HIGD1B: variants seen among roughly 807,000 people sequenced by gnomAD.
HIGD1B encodes HIG1 domain family member 1B.
HIGD1B carries 9 observed loss-of-function variants against 8.8 expected under a neutral mutation model. The observed-to-expected ratio is 1.02, with a 90% CI of 0.62 to 1.78. The LOEUF (loss-of-function observed/expected upper bound fraction) is 1.78, where lower values mean the gene tolerates loss of function less well. Among genes scored for constraint, HIGD1B ranks in the 40% most tolerant of loss-of-function variants. The probability of loss-of-function intolerance (pLI) is 0.00; values close to 1 mark genes in which losing one functional copy is unlikely to be tolerated. For synonymous variants in HIGD1B, 47 were observed against 38.8 expected (o/e 1.21, Z -0.78); for missense variants, 126 against 111.8 (o/e 1.13, Z -0.57).
At chr17:44,849,997 CTG>C (rs936864624) in intron 2 of HIGD1B, 3 of 242,914 alleles carry the variant, frequency 1.2e-5, no homozygotes, top group African/African-American at 4.4e-5. Context: ...CACTTGCTAA[CTG>C]TGTGACAGTG....
chr17:44,846,347 C>T (rs2050322143), upstream of HIGD1B: 1 of 152,304 alleles, frequency 6.6e-6, no homozygotes, highest in African/African-American at 2.4e-5. Flanking sequence ...AGCTCCATCT[C>T]AGCTTTTGGT....
chr17:44,846,707 C>T (rs566982099), upstream of HIGD1B, among the ~76,000 whole-genome samples: 33 of 151,202 alleles, frequency 2.2e-4, no homozygotes, highest in African/African-American at 7.8e-4. Context: ...GGTGGAAGGA[C>T]TGCTTGAGTC....
At chr17:44,845,885 C>T (rs939395046), upstream of HIGD1B, among the ~76,000 whole-genome samples, 31 of 151,562 alleles carry the variant, frequency 2.0e-4, no homozygotes, top group African/African-American at 6.3e-4. Flanking sequence ...GAGCCGAGAT[C>T]GTGCCACTGC....
In HIGD1B at chr17:44,850,347, T is replaced by C. The variant is rs764504782; in HGVS notation, c.251T>C (p.Met84Thr). Residue 84 changes from methionine (M) to threonine (T), a missense_variant, in exon 3 of 3, where the codon ATG (methionine) becomes ACG (threonine). Met to Thr is a moderately conservative substitution (Grantham distance 81). Transcript: ENST00000253410. ...TCTCACACAGGTGCTGTGTACACAA[T>C]GTACAGCGATTACGTCAAGAGGATG... Reference protein sequence around the residue: ...GAIMLGAVYTMYSDYVKRMAQ... With the variant: ...GAIMLGAVYTTYSDYVKRMAQ... 3.4e-5 allele frequency: 55 copies of C among 1,613,048 alleles called. No individual in the cohort carries two copies. In the East Asian group the frequency reaches 4.5e-4, roughly 13 times the overall value.
At chr17:44,849,168 G>A (rs781551310) in intron 1 of HIGD1B, 86 bp from the exon 2 acceptor site, 8 of 1,451,892 alleles carry the variant, frequency 5.5e-6, no homozygotes, top group South Asian at 5.0e-5. Context: ...TTATCCAGAT[G>A]CCCAGCCTGC....
At chr17:44,846,553 T>C (rs2050324160), upstream of HIGD1B, 1 of 152,140 alleles carries the variant, frequency 6.6e-6, no homozygotes, top group Non-Finnish European at 1.5e-5. Flanking sequence ...TCCCAGAACT[T>C]TGGGAGGCTG....
At chr17:44,846,118 G>A (rs1035133899), upstream of HIGD1B, among the ~76,000 whole-genome samples, 1 of 152,036 alleles carries the variant, frequency 6.6e-6, no homozygotes, top group Non-Finnish European at 1.5e-5. Flanking sequence ...GCCTGTCTCT[G>A]ATCCAGCCAC....
chr17:44,847,507 T>C (rs889153296), upstream of HIGD1B, among the ~76,000 whole-genome samples: 3 of 152,198 alleles, frequency 2.0e-5, no homozygotes, highest in Non-Finnish European at 4.4e-5. Context: ...CAGTTGGTAA[T>C]TGTGAAGAAC....
intron 2 of HIGD1B, among the ~76,000 whole-genome samples, chr17:44,849,749 ACT>A (rs892776470): frequency 4.7e-5 from 6 of 127,242 alleles, no homozygotes; most frequent in Admixed American, 3.6e-4. Flanking sequence ...ACAGAGTGAG[ACT>A]CTGTCTCAAA....
chr17:44,848,926 C>T (rs1431107761), intron 1 of HIGD1B, among the ~76,000 whole-genome samples: 2 of 152,044 alleles, frequency 1.3e-5, no homozygotes, highest in East Asian at 3.9e-4. Flanking sequence ...TAGGCATGCA[C>T]CACCACGCCC....
chr17:44,847,952 C>T lies in HIGD1B; in HGVS notation c.-201C>T. On this transcript the variant is annotated 5_prime_UTR_variant, in exon 1 of 3. Coordinates refer to ENST00000253410, the MANE Select transcript of HIGD1B (RefSeq NM_016438.4). ...GGAGACGGAGAAATGGCACTAATGG[C>T]CCAGCCACCTGAGATGGGATACCTG... 1 of 484,976 alleles carries T rather than the reference C, an allele frequency of 2.1e-6. No individual in the cohort carries two copies. Among genetic ancestry groups the T allele is most frequent in the Non-Finnish European group, 3.7e-6 (1 of 271,796 alleles). The allele number at this position is 484,976 out of a possible 1,614,324, so 30.0% of individuals were successfully genotyped here.
At chr17:44,848,370 A>G in intron 1 of HIGD1B, 118 bp downstream of exon 1, 3 of 653,088 alleles carry the variant, frequency 4.6e-6, no homozygotes, top group Non-Finnish European at 8.2e-6. Context: ...CTCACGGAAC[A>G]AGGGAAACAA....
intron 1 of HIGD1B, among the ~76,000 whole-genome samples, 170 bp downstream of exon 1, chr17:44,848,422 G>C (rs1425456598): frequency 4.6e-5 from 7 of 152,220 alleles, no homozygotes; most frequent in African/African-American, 1.7e-4. Context: ...ATGAAATCAG[G>C]ACGTCTGGAT....
At chr17:44,848,475 C>G (rs904621857) in intron 1 of HIGD1B, among the ~76,000 whole-genome samples, 3 of 152,202 alleles carry the variant, frequency 2.0e-5, no homozygotes, top group African/African-American at 7.2e-5. Context: ...ATATGAGGAA[C>G]CTGGAGCACC....
At chr17:44,849,540 T>C in intron 2 of HIGD1B, 152 bp downstream of exon 2, 2 of 827,628 alleles carry the variant, frequency 2.4e-6, no homozygotes, top group South Asian at 1.7e-5. Context: ...GGCGGGCAGA[T>C]CATGAGGTCT....
chr17:44,846,999 T>C (rs1017468003), upstream of HIGD1B, among the ~76,000 whole-genome samples: 1 of 150,980 alleles, frequency 6.6e-6, no homozygotes, highest in Non-Finnish European at 1.5e-5. Context: ...TAGCTGGGCA[T>C]GGTACACACC....
rs1362401594 is a variant in HIGD1B, at chr17:44,850,419, G to T, written c.*23G>T. 6 of 1,575,694 alleles carry T rather than the reference G, an allele frequency of 3.8e-6. No individual in the cohort carries two copies. The highest frequency in any genetic ancestry group is 4.4e-6 in the Non-Finnish European group (5 of 1,147,520). On this transcript the variant is annotated 3_prime_UTR_variant, in exon 3 of 3. Transcript: ENST00000253410. Reference sequence around the variant, plus strand: ...TAGGACTCCTATAGGAGCCGGGGCTGTCCAACTCCCCTAACTCAATCCCTG... The same window carrying T: ...TAGGACTCCTATAGGAGCCGGGGCTTTCCAACTCCCCTAACTCAATCCCTG...
In HIGD1B at chr17:44,847,942, G is replaced by A. The variant is rs1159608796; in HGVS notation, c.-211G>A. 17 of 471,800 alleles carry A rather than the reference G, an allele frequency of 3.6e-5. 1 individual carries two copies. Among genetic ancestry groups the A allele is most frequent in the Non-Finnish European group, 5.7e-5 (15 of 263,832 alleles). 29.2% of individuals were successfully genotyped at this position (471,800 alleles called of 1,614,324 possible). On this transcript the variant is annotated 5_prime_UTR_variant, in exon 1 of 3. It introduces an in-frame stop codon into an upstream open reading frame of the 5' UTR. Coordinates refer to ENST00000253410, the MANE Select transcript of HIGD1B (RefSeq NM_016438.4). ...GGTAGGAAATGGAGACGGAGAAATG[G>A]CACTAATGGCCCAGCCACCTGAGAT...
chr17:44,849,782 AG>A (rs2050403876), intron 2 of HIGD1B, among the ~76,000 whole-genome samples: 1 of 145,796 alleles, frequency 6.9e-6, no homozygotes, highest in Non-Finnish European at 1.5e-5. Context: ...AAAAAAAAAA[AG>A]GACTGTGAAT....
Sources: allele counts gnomAD v4.1 joint callset (sites outside exome capture counted in the v4.1 genomes callset), GRCh38; gene constraint gnomAD v4.1.1; transcripts MANE v1.5; gene names NCBI Gene and HGNC (gene_info 2026-07-23, HGNC 2026-07-21).